The following TMEM131L variants were observed in gnomAD, a reference collection of about 807,000 sequenced individuals.
TMEM131L encodes the protein transmembrane 131 like.
TMEM131L carries 54 observed loss-of-function variants against 192.2 expected under a neutral mutation model. That is an observed-to-expected ratio of 0.28 (90% CI 0.23 to 0.35). The LOEUF (loss-of-function observed/expected upper bound fraction) is 0.35, where lower values mean the gene tolerates loss of function less well. TMEM131L is among the 10% of genes least tolerant of loss of function. The pLI is 1.00. For synonymous variants in TMEM131L, 701 were observed against 704.9 expected (o/e 0.99, Z 0.09); for missense variants, 1,888 against 1,972.9 (o/e 0.96, Z 0.82).
chr4:153,624,069 C>T (rs1237625455), intron 29 of TMEM131L, among the ~76,000 whole-genome samples: 1 of 151,008 alleles, frequency 6.6e-6, no homozygotes, highest in South Asian at 2.1e-4. Context: ...AATCATACTT[C>T]AGTGTAGCCT....
At chr4:153,526,803 TG>T (rs1244212070) in intron 3 of TMEM131L, among the ~76,000 whole-genome samples, 1 of 151,386 alleles carries the variant, frequency 6.6e-6, no homozygotes, top group African/African-American at 2.4e-5. Flanking sequence ...GCTCCTGTCG[TG>T]TTGTGAAATG....
chr4:153,587,707 G>A (rs1218886733), intron 14 of TMEM131L, 35 bp from the exon 15 acceptor site: 2 of 1,464,690 alleles, frequency 1.4e-6, no homozygotes, highest in South Asian at 1.1e-5. Flanking sequence ...TTAGTGCTGT[G>A]TTTTAAGTTA....
intron 8 of TMEM131L, among the ~76,000 whole-genome samples, 159 bp from the exon 9 acceptor site, chr4:153,581,248 C>T (rs933590743): frequency 1.3e-5 from 2 of 152,078 alleles, no homozygotes; most frequent in African/African-American, 2.4e-5. Context: ...AGTGAGACTC[C>T]GTCTCAAAAT....
intron 3 of TMEM131L, among the ~76,000 whole-genome samples, chr4:153,498,285 T>G (rs1733335747): frequency 6.6e-6 from 1 of 152,096 alleles, no homozygotes; most frequent in African/African-American, 2.4e-5. Context: ...GGAGGAGCCC[T>G]CCTCTGCTGG....
intron 26 of TMEM131L, among the ~76,000 whole-genome samples, chr4:153,614,110 G>A (rs565123076): frequency 6.6e-6 from 1 of 152,252 alleles, no homozygotes; most frequent in East Asian, 1.9e-4. Flanking sequence ...AAGGGAAGAT[G>A]GGCAGCGGGC....
chr4:153,473,970 C>A, intron 3 of TMEM131L, 82 bp downstream of exon 3: 2 of 893,722 alleles, frequency 2.2e-6, no homozygotes, highest in Non-Finnish European at 3.5e-6. Context: ...CAGTATATGT[C>A]CATGTTTATG....
chr4:153,506,815 C>T (rs35818849), intron 3 of TMEM131L, among the ~76,000 whole-genome samples: 5,654 of 146,146 alleles, frequency 0.039, 154 homozygotes, highest in Non-Finnish European at 0.054. Context: ...TGCACTCCAG[C>T]CTGGGTGACA....
At chr4:153,610,327 T>C (rs1414512038) in intron 25 of TMEM131L, among the ~76,000 whole-genome samples, 1 of 152,232 alleles carries the variant, frequency 6.6e-6, no homozygotes, top group Non-Finnish European at 1.5e-5. Context: ...GCTTTGTCTC[T>C]GGATATGACT....
intron 25 of TMEM131L, among the ~76,000 whole-genome samples, chr4:153,606,964 C>CT (rs1732281327): frequency 6.6e-6 from 1 of 152,164 alleles, no homozygotes; most frequent in Non-Finnish European, 1.5e-5. Context: ...TTTGTTCTGA[C>CT]TGTTTTATGT....
chr4:153,595,188 T>C (rs1374001449), intron 19 of TMEM131L, among the ~76,000 whole-genome samples: 1 of 152,226 alleles, frequency 6.6e-6, no homozygotes, highest in Admixed American at 6.5e-5. Flanking sequence ...GTTATTAGAA[T>C]TCTTCATCAT....
Position 153,604,387 on chromosome 4 carries a change from G to A in TMEM131L, c.3375G>A (p.Gln1125=), listed in dbSNP as rs1166563796. The A allele has an allele frequency of 3.7e-6, 6 of 1,607,442 alleles. No homozygotes were observed. The South Asian group carries it at 4.5e-5, about 12-fold the overall frequency. ...ACCATTTACCAAGAAACTCACCTCAGTACCACCAGCCAGACTTGCCAGAAA... is the reference window on the plus strand; with the variant it reads ...ACCATTTACCAAGAAACTCACCTCAATACCACCAGCCAGACTTGCCAGAAA... ...PENHLPRNSP[Q]YHQPDLPEIS... is the part of the protein sequence containing the mutation. Residue 1125 remains glutamine, a synonymous_variant, in exon 25 of 35, where the codon CAG becomes CAA. Coordinates refer to ENST00000409959, the MANE Select transcript of TMEM131L (RefSeq NM_001131007.2).
intron 3 of TMEM131L, among the ~76,000 whole-genome samples, chr4:153,513,392 C>T (rs990741445): frequency 6.6e-6 from 1 of 152,112 alleles, no homozygotes; most frequent in Non-Finnish European, 1.5e-5. Context: ...AACCAAAAGA[C>T]ATTTATCAAA....
Position 153,603,332 on chromosome 4 carries a change from C to T in TMEM131L, c.2669C>T (p.Ala890Val). The T allele has an allele frequency of 1.2e-6, 2 of 1,613,752 alleles. No individual in the cohort carries two copies. The highest frequency in any genetic ancestry group is 1.7e-6 in the Non-Finnish European group (2 of 1,179,798). ...TCCCTGTTGGGTGTGATTTTAATAG[C>T]CTTCCAACAAGCACAGTACATTCTC... ...SLSLLGVILI[A>V]FQQAQYILME... is the part of the protein sequence containing the mutation. Residue 890 changes from alanine (A) to valine (V), a missense_variant, in exon 24 of 35, where the codon GCC becomes GTC. Transcript: ENST00000409959.
intron 17 of TMEM131L, 135 bp downstream of exon 17, chr4:153,591,329 C>T (rs1346199048): frequency 9.9e-6 from 7 of 708,460 alleles, no homozygotes; most frequent in Non-Finnish European, 1.5e-5. Context: ...ACTAGATGAG[C>T]AGTAAAACTC....
At chr4:153,607,858 G>T (rs1357534572) in intron 25 of TMEM131L, among the ~76,000 whole-genome samples, 2 of 152,242 alleles carry the variant, frequency 1.3e-5, no homozygotes, top group South Asian at 4.1e-4. Flanking sequence ...TTGGGAGGCC[G>T]TGATGGGCAG....
chr4:153,628,302 G>A (rs1335490441), intron 31 of TMEM131L, among the ~76,000 whole-genome samples: 1 of 152,194 alleles, frequency 6.6e-6, no homozygotes, highest in Non-Finnish European at 1.5e-5. Context: ...GGGCTCTGAT[G>A]GGAGGTGAAT....
chr4:153,467,024 G>A (rs993901408), intron 1 of TMEM131L, among the ~76,000 whole-genome samples, 187 bp from the exon 2 acceptor site: 13 of 152,148 alleles, frequency 8.5e-5, no homozygotes, highest in African/African-American at 2.4e-5. Context: ...GCGTCCGAGG[G>A]GCCGCCGGCT....
intron 3 of TMEM131L, among the ~76,000 whole-genome samples, chr4:153,532,860 A>T (rs1205704615): frequency 6.6e-6 from 1 of 152,156 alleles, no homozygotes; most frequent in East Asian, 1.9e-4. Context: ...TTCAGCTTCA[A>T]GTGACAGATT....
chr4:153,627,810 C>A, intron 31 of TMEM131L, 123 bp downstream of exon 31: 1 of 716,332 alleles, frequency 1.4e-6, no homozygotes, highest in South Asian at 1.8e-5. Flanking sequence ...CCACCAGCCC[C>A]TTCTGCAAGC....
Sources: allele counts gnomAD v4.1 joint callset (sites outside exome capture counted in the v4.1 genomes callset), GRCh38; gene constraint gnomAD v4.1.1; transcripts MANE v1.5; gene names NCBI Gene and HGNC (gene_info 2026-07-23, HGNC 2026-07-21).